Variants in PTPRD observed in about 807,000 individuals in gnomAD.
PTPRD encodes receptor-type tyrosine-protein phosphatase delta.
A neutral mutation model predicts 214.5 loss-of-function variants in PTPRD; 34 were observed. That is an observed-to-expected ratio of 0.16 (90% CI 0.12 to 0.21). The LOEUF (loss-of-function observed/expected upper bound fraction) is 0.21. PTPRD is among the 10% of genes least tolerant of loss of function. PTPRD has a pLI of 1.00. For missense variants in PTPRD, 2,545 were observed against 2,398.7 expected, an observed-to-expected ratio of 1.06 and a Z score of -1.27; for synonymous variants, 1,128 against 845.7, an observed-to-expected ratio of 1.33 and a Z score of -5.79.
At chr9:10,054,288 CA>C (rs2097582867) in intron 3 of PTPRD, among the ~76,000 whole-genome samples, 1 of 152,090 alleles carries the variant, frequency 6.6e-6, no homozygotes, top group Admixed American at 6.6e-5. Context: ...TTTGAAGAGG[CA>C]ATAACAGATA....
At chr9:8,740,910 C>T (rs2091753432) in intron 11 of PTPRD, among the ~76,000 whole-genome samples, 2 of 152,030 alleles carry the variant, frequency 1.3e-5, no homozygotes, top group South Asian at 4.2e-4. Flanking sequence ...TAAGAATACC[C>T]GAAGAGTAAA....
At chr9:10,277,887 G>A (rs149863035) in intron 3 of PTPRD, among the ~76,000 whole-genome samples, 2 of 152,108 alleles carry the variant, frequency 1.3e-5, no homozygotes, top group African/African-American at 2.4e-5. Context: ...GGCCGGGCTC[G>A]GTGGCTCATG....
intron 2 of PTPRD, among the ~76,000 whole-genome samples, chr9:10,377,751 G>T (rs2154481094): frequency 6.6e-6 from 1 of 151,980 alleles, no homozygotes; most frequent in Non-Finnish European, 1.5e-5. Flanking sequence ...ACTGTTGGTG[G>T]GACTGTAAAC....
intron 3 of PTPRD, among the ~76,000 whole-genome samples, chr9:10,275,574 G>A (rs548388949): frequency 6.6e-6 from 1 of 151,976 alleles, no homozygotes; most frequent in African/African-American, 2.4e-5. Context: ...ATCATTTTGG[G>A]GAAATGAAGG....
chr9:8,604,478 T>C (rs1019552538), intron 14 of PTPRD, among the ~76,000 whole-genome samples: 1 of 152,122 alleles, frequency 6.6e-6, no homozygotes, highest in Admixed American at 6.6e-5. Context: ...ATGAAGTACA[T>C]TACATCAGAT....
At chr9:8,855,399 G>A (rs1329324368) in intron 11 of PTPRD, among the ~76,000 whole-genome samples, 1 of 152,028 alleles carries the variant, frequency 6.6e-6, no homozygotes, top group African/African-American at 2.4e-5. Flanking sequence ...AAAATAAATT[G>A]CTGCATTTCA....
chr9:8,577,650 T>G (rs2092590092), intron 14 of PTPRD, among the ~76,000 whole-genome samples: 1 of 152,198 alleles, frequency 6.6e-6, no homozygotes. Context: ...CTGACTTCTC[T>G]AACATACTGA....
rs1337984504 is a variant in PTPRD at position 9,644,697 on chromosome 9, C to A, written c.-286-69916G>T. On this transcript the variant is annotated intron_variant, in intron 7 of 45. Transcript: ENST00000381196. ...GAGAACAGTTATCCCCATTTTCCAG[C>A]CAAAATGTTGCTTTTTCCAAAACCA... 3.5e-5 allele frequency among the ~76,000 whole-genome samples: 5 copies of A among 141,790 alleles called. No homozygotes were observed. The East Asian group carries it at 1.1e-3, about 30-fold the overall frequency. 93.0% of individuals were successfully genotyped at this position (141,790 alleles called of 152,430 possible).
intron 11 of PTPRD, among the ~76,000 whole-genome samples, chr9:8,755,242 C>CAA (rs2093898240): frequency 7.3e-6 from 1 of 136,192 alleles, no homozygotes; most frequent in African/African-American, 3.1e-5. Flanking sequence ...ACAAAAAAAA[C>CAA]AAACAGGCCA....
At chr9:10,332,709 G>C (rs1354623566) in intron 3 of PTPRD, among the ~76,000 whole-genome samples, 3 of 151,706 alleles carry the variant, frequency 2.0e-5, no homozygotes, top group African/African-American at 7.3e-5. Flanking sequence ...AATAAAGTAA[G>C]TTTTTCAAGG....
chr9:9,162,476 C>A (rs1412574172), intron 10 of PTPRD, among the ~76,000 whole-genome samples: 2 of 152,098 alleles, frequency 1.3e-5, no homozygotes, highest in Non-Finnish European at 2.9e-5. Context: ...ACACCTTTTC[C>A]TTTGTCCTTT....
chr9:9,553,104 T>C (rs954172611), intron 8 of PTPRD, among the ~76,000 whole-genome samples: 9 of 152,046 alleles, frequency 5.9e-5, no homozygotes, highest in African/African-American at 2.2e-4. Context: ...TGCCAATACA[T>C]CTAATGTCTG....
intron 9 of PTPRD, among the ~76,000 whole-genome samples, chr9:9,363,986 G>C (rs2057108209): frequency 6.6e-6 from 1 of 151,138 alleles, no homozygotes; most frequent in South Asian, 2.1e-4. Flanking sequence ...GGCATTTTAT[G>C]GTATTAGTTG....
chr9:8,879,208 C>A (rs1364004642), intron 11 of PTPRD, among the ~76,000 whole-genome samples: 1 of 152,082 alleles, frequency 6.6e-6, no homozygotes, highest in East Asian at 1.9e-4. Flanking sequence ...GATCTGTTAG[C>A]TGAGAGATGG....
intron 2 of PTPRD, among the ~76,000 whole-genome samples, chr9:10,379,246 T>TGTG (rs1006169053): frequency 6.6e-6 from 1 of 151,472 alleles, no homozygotes; most frequent in African/African-American, 2.4e-5. Flanking sequence ...TAATAGTTTT[T>TGTG]TTTGTGTGTG....
At chr9:8,582,046 T>C (rs1015196740) in intron 14 of PTPRD, among the ~76,000 whole-genome samples, 1 of 150,968 alleles carries the variant, frequency 6.6e-6, no homozygotes, top group East Asian at 2.0e-4. Flanking sequence ...AGGGCACTGA[T>C]AACTTTCTAG....
intron 12 of PTPRD, among the ~76,000 whole-genome samples, chr9:8,724,284 C>T (rs551160882): frequency 1.1e-4 from 16 of 152,328 alleles, no homozygotes; most frequent in Admixed American, 6.5e-5. Flanking sequence ...TTTTCTCCTT[C>T]ACTCTAAATT....
intron 7 of PTPRD, among the ~76,000 whole-genome samples, chr9:9,597,004 T>G (rs761599364): frequency 5.3e-5 from 8 of 151,862 alleles, no homozygotes; most frequent in Non-Finnish European, 7.4e-5. Context: ...GACTGACAAG[T>G]AAGTAATTGG....
intron 10 of PTPRD, among the ~76,000 whole-genome samples, chr9:9,023,048 C>T (rs73640986): frequency 0.017 from 2,638 of 152,118 alleles, 78 homozygotes; most frequent in African/African-American, 0.06. Flanking sequence ...AGTCAACATC[C>T]CAGATTTTTG....
Sources: allele counts gnomAD v4.1 joint callset (sites outside exome capture counted in the v4.1 genomes callset), GRCh38; gene constraint gnomAD v4.1.1; transcripts MANE v1.5; gene names NCBI Gene and HGNC (gene_info 2026-07-23, HGNC 2026-07-21).